NTMT1: variants seen among roughly 807,000 people sequenced by gnomAD.
NTMT1 encodes N-terminal Xaa-Pro-Lys N-methyltransferase 1, also known as N-terminal RCC1 methyltransferase.
NTMT1 carries 8 observed loss-of-function variants against 17.5 expected under a neutral mutation model. The ratio of observed to expected loss-of-function variants is 0.46; its 90% CI spans 0.27 to 0.82. The LOEUF is 0.82. Ranked by LOEUF, NTMT1 falls within the 40% of genes least tolerant of loss-of-function variation. The pLI is 0.15. For synonymous variants in NTMT1, 128 were observed against 126.8 expected, an observed-to-expected ratio of 1.01 and a Z score of -0.06; for missense variants, 221 against 303.5, an observed-to-expected ratio of 0.73 and a Z score of 2.02.
At chr9:129,615,656 G>C in intron 1 of NTMT1, 1 of 1,536,820 alleles carries the variant, frequency 6.5e-7, no homozygotes, top group Non-Finnish European at 8.7e-7. Flanking sequence ...TGCTGAGAGA[G>C]GGGAGAGGGG....
Position 129,620,595 on chromosome 9 carries a change from C to T in NTMT1, c.-55+11417C>T. On this transcript the variant is annotated intron_variant, in intron 1 of 3. Transcript: ENST00000372486. This position sits in a 1 kb window ranked among gnomAD's most constrained non-coding sequence, Gnocchi z 5.8. ...AACATGCTTGGCCCCGCACTCAGCT[C>T]ACCGCACCCTCAGCGCGCGTGGGTG... The T allele has an allele frequency of 2.3e-6, 3 of 1,320,186 alleles. No homozygotes were observed. Among genetic ancestry groups the T allele is most frequent in the Admixed American group, 6.1e-5 (2 of 32,804 alleles). The allele number at this position is 1,320,186 out of a possible 1,614,324, so 81.8% of individuals were successfully genotyped here.
In NTMT1 at chr9:129,619,730, T is replaced by G. The variant is rs146778397; in HGVS notation, c.-55+10552T>G. The G allele has an allele frequency of 5.3e-4, 852 of 1,613,710 alleles. 4 individuals are homozygous for G. In the African/African-American group the frequency reaches 9.9e-3, roughly 19 times the overall value. ...ACCCCGTCCCCACCAAGAAGCGGACTGACGCTTACCACAGGTCTGGGAGGA... is the reference window on the plus strand; with the variant it reads ...ACCCCGTCCCCACCAAGAAGCGGACGGACGCTTACCACAGGTCTGGGAGGA... On this transcript the variant is annotated intron_variant, in intron 1 of 3. Coordinates refer to the NTMT1 transcript ENST00000372486.
chr9:129,619,580 G>A, intron 1 of NTMT1: 1 of 1,614,146 alleles, frequency 6.2e-7, no homozygotes, highest in South Asian at 1.1e-5. Context: ...CCCCAGAATA[G>A]GTGTCTGCTG....
chr9:129,613,929 G>A lies in NTMT1; in HGVS notation c.-55+4751G>A, dbSNP rs1442715057. 6.6e-6 allele frequency among the ~76,000 whole-genome samples: 1 copy of A among 152,190 alleles called. No individual in the cohort carries two copies. The highest frequency in any genetic ancestry group is 1.9e-4 in the East Asian group (1 of 5,198). ...GAGAGCGTTGAGGGCTTCAGGGAGG[G>A]CTGTCTCAGGGATGGGGGCTCTTCC... On this transcript the variant is annotated intron_variant, in intron 1 of 3. Transcript: ENST00000372486. This position sits in a 1 kb window ranked among gnomAD's most constrained non-coding sequence, Gnocchi z 6.2.
intron 1 of NTMT1, among the ~76,000 whole-genome samples, chr9:129,610,348 G>C (rs1247488035): frequency 2.0e-5 from 3 of 151,422 alleles, no homozygotes; most frequent in Admixed American, 6.5e-5. Flanking sequence ...AGGGCGTGGA[G>C]TCCGGGGTCG....
Position 129,632,641 on chromosome 9 carries a change from C to T in NTMT1, c.-54-9C>T. On this transcript the variant is annotated splice_polypyrimidine_tract_variant and intron_variant, in intron 1 of 3. Transcript: ENST00000372483. ...TGGCCCGCTGACTCACGCCCCCTTC[C>T]TTACCCAGGAGAGTCGCGGTTGCTG... 1 of 1,596,410 alleles carries T rather than the reference C, an allele frequency of 6.3e-7. No individual in the cohort carries two copies. Among genetic ancestry groups the T allele is most frequent in the South Asian group, 1.1e-5 (1 of 88,902 alleles).
chr9:129,614,887 G>A lies in NTMT1; in HGVS notation c.-55+5709G>A, dbSNP rs1460390930. ...ACTGCACTCCAGCCTGGGCGACAGA[G>A]TGAGACTCCGTATCAGAAAAAAAAA... On this transcript the variant is annotated intron_variant, in intron 1 of 3. Coordinates refer to the NTMT1 transcript ENST00000372486. This position sits in a 1 kb window ranked among gnomAD's most constrained non-coding sequence, Gnocchi z 4.4. Among the ~76,000 whole-genome samples the A allele has an allele frequency of 6.6e-6, 1 of 151,946 alleles. No homozygotes were observed. Among genetic ancestry groups the A allele is most frequent in the Non-Finnish European group, 1.5e-5 (1 of 68,010 alleles).
chr9:129,623,915 T>C (rs1198514574), upstream of NTMT1, among the ~76,000 whole-genome samples: 1 of 138,090 alleles, frequency 7.2e-6, no homozygotes, highest in Non-Finnish European at 1.5e-5. Context: ...TGCCTCAGCC[T>C]CCCGAGTAGC....
chr9:129,635,387 C>T lies in NTMT1; in HGVS notation c.595C>T (p.Leu199Phe). Residue 199 changes from leucine (L) to phenylalanine (F), a missense_variant, in exon 4 of 4, where the codon CTC (leucine) becomes TTC (phenylalanine). Physicochemically the swap from Leu to Phe is conservative, Grantham distance 22. Coordinates refer to ENST00000372483, the MANE Select transcript of NTMT1 (RefSeq NM_014064.4). ...CCGCAGGATCATCTGCAGTGCAGGC[C>T]TCAGCCTCCTGGCCGAGGAGAGGCA... ...VVRRIICSAG[L>F]SLLAEERQEN... 1.9e-6 allele frequency: 3 copies of T among 1,613,740 alleles called. No individual in the cohort carries two copies. Among genetic ancestry groups the T allele is most frequent in the East Asian group, 2.2e-5 (1 of 44,874 alleles).
intron 3 of NTMT1, chr9:129,634,919 CAG>C (rs1022427877): frequency 2.4e-6 from 1 of 416,158 alleles, no homozygotes; most frequent in Non-Finnish European, 4.4e-6. Context: ...CCAAGCCTGG[CAG>C]GGGTGGGGCA....
rs139507881 is a variant in NTMT1, at chr9:129,635,218, C to T, written c.426C>T (p.Thr142=). ...CTCTGCCCTCCCCAGGCCACCTCACCGATCAGCACCTGGCCGAGTTCCTGC... is the reference window on the plus strand; with the variant it reads ...CTCTGCCCTCCCCAGGCCACCTCACTGATCAGCACCTGGCCGAGTTCCTGC... ...IWIQWVIGHL[T]DQHLAEFLRR... Residue 142 remains threonine (T), a synonymous_variant, in exon 4 of 4, where the codon ACC becomes ACT. Coordinates refer to ENST00000372483, the MANE Select transcript of NTMT1 (RefSeq NM_014064.4). 67 of 1,609,164 alleles carry T rather than the reference C, an allele frequency of 4.2e-5. No homozygotes were observed. Among genetic ancestry groups the T allele is most frequent in the Admixed American group, 2.3e-4 (14 of 59,990 alleles).
At chr9:129,618,575 G>A (rs1254525071) in intron 1 of NTMT1, among the ~76,000 whole-genome samples, 2 of 152,222 alleles carry the variant, frequency 1.3e-5, no homozygotes, top group African/African-American at 4.8e-5. Context: ...CTAGATTAGC[G>A]ATGGACAGTG....
At chr9:129,619,842 A>G in intron 1 of NTMT1, 1 of 1,613,530 alleles carries the variant, frequency 6.2e-7, no homozygotes, top group Non-Finnish European at 8.5e-7. Context: ...TGGAGCCAGG[A>G]GGAAACAGTT....
At position 129,615,956 on chromosome 9, in the gene NTMT1, G is replaced by A. The variant is rs117256545; in HGVS notation, c.-55+6778G>A. On this transcript the variant is annotated intron_variant, in intron 1 of 3. Coordinates refer to the NTMT1 transcript ENST00000372486. ...AGGCGATGCAGCTGTCAGGCATGGAGCCAAGACCTGCATCCTGGTTCCAGA... is the reference window on the plus strand; with the variant it reads ...AGGCGATGCAGCTGTCAGGCATGGAACCAAGACCTGCATCCTGGTTCCAGA... Among the ~76,000 whole-genome samples, 447 of 152,326 alleles carry A rather than the reference G, an allele frequency of 2.9e-3. 15 individuals are homozygous for A. In the East Asian group the frequency reaches 0.065, roughly 22 times the overall value.
chr9:129,613,194 C>T lies in NTMT1; in HGVS notation c.-55+4016C>T, dbSNP rs370787542. ...CGGCCTTCTTCCATGAACAGAAGGGCAGGCTGCTGTTCATGGAGGTGTCCT... is the reference window on the plus strand; with the variant it reads ...CGGCCTTCTTCCATGAACAGAAGGGTAGGCTGCTGTTCATGGAGGTGTCCT... On this transcript the variant is annotated intron_variant, in intron 1 of 3. Transcript: ENST00000372486. This position sits in a 1 kb window ranked among gnomAD's most constrained non-coding sequence, Gnocchi z 6.2. 36 of 1,613,498 alleles carry T rather than the reference C, an allele frequency of 2.2e-5. No homozygotes were observed. The highest frequency in any genetic ancestry group is 2.9e-5 in the Non-Finnish European group (34 of 1,179,990).
At chr9:129,612,187 G>GAACCCCCAGAGACCAGC in intron 1 of NTMT1, 2 of 617,434 alleles carry the variant, frequency 3.2e-6, no homozygotes, top group Non-Finnish European at 5.8e-6. Context: ...TTCCTTCCAG[G>GAACCCCCAGAGACCAGC]AACCCCCAGA....
rs779185577 is a variant in NTMT1, at chr9:129,635,506, G to T, written c.*42G>T. On this transcript the variant is annotated 3_prime_UTR_variant, in exon 4 of 4. Transcript: ENST00000372483. ...GAAACTGAGGAACCACAGTCCTGGTGGGGGGAGCTGGCAGCTGGGCAAGAT... is the reference window on the plus strand; with the variant it reads ...GAAACTGAGGAACCACAGTCCTGGTTGGGGGAGCTGGCAGCTGGGCAAGAT... 8.9e-6 allele frequency: 14 copies of T among 1,575,500 alleles called. No homozygotes were observed. The highest frequency in any genetic ancestry group is 1.1e-5 in the Non-Finnish European group (13 of 1,159,234).
chr9:129,618,239 C>T lies in NTMT1; in HGVS notation c.-55+9061C>T, dbSNP rs548572622. On this transcript the variant is annotated intron_variant, in intron 1 of 3. Transcript: ENST00000372486. ...AACCTGGAGGAACTGTTTCTGTCTT[C>T]TTTTCCTCCTCTGTTAAAACTATGG... Among the ~76,000 whole-genome samples, 227 of 152,340 alleles carry T rather than the reference C, an allele frequency of 1.5e-3. 1 individual carries two copies. Among genetic ancestry groups the T allele is most frequent in the African/African-American group, 5.3e-3 (220 of 41,570 alleles).
In NTMT1 at chr9:129,613,776, G is replaced by A. The variant is rs921622561; in HGVS notation, c.-55+4598G>A. 2.0e-5 allele frequency among the ~76,000 whole-genome samples: 3 copies of A among 152,198 alleles called. No homozygotes were observed. Among genetic ancestry groups the A allele is most frequent in the Admixed American group, 6.5e-5 (1 of 15,284 alleles). On this transcript the variant is annotated intron_variant, in intron 1 of 3. Coordinates refer to the NTMT1 transcript ENST00000372486. The surrounding 1 kb of genome is among the most constrained non-coding windows in gnomAD (Gnocchi z 6.2). Reference sequence around the variant, plus strand: ...GCCTTGGGTTTTAAAACCACCTTGCGTGACCATTTCTGTTATACCCAAGCT... The same window carrying A: ...GCCTTGGGTTTTAAAACCACCTTGCATGACCATTTCTGTTATACCCAAGCT...
Sources: allele counts gnomAD v4.1 joint callset (sites outside exome capture counted in the v4.1 genomes callset), GRCh38; gene constraint gnomAD v4.1.1; non-coding constraint Gnocchi (gnomAD v3.1); transcripts MANE v1.5; gene names NCBI Gene and HGNC (gene_info 2026-07-23, HGNC 2026-07-21).